Variants in IL1RAPL1 observed in about 807,000 individuals in gnomAD.
IL1RAPL1 encodes interleukin-1 receptor accessory protein-like 1.
A neutral mutation model predicts 48.4 loss-of-function variants in IL1RAPL1; 3 were observed. The ratio of observed to expected loss-of-function variants is 0.06; its 90% CI spans 0.03 to 0.16. IL1RAPL1 has a LOEUF of 0.16. IL1RAPL1 is among the 10% of genes least tolerant of loss of function. The pLI is 1.00. For missense variants in IL1RAPL1, 349 were observed against 530.6 expected (o/e 0.66, Z 3.36); for synonymous variants, 185 against 187.7 (o/e 0.99, Z 0.12).
chrX:28,781,131 C>T (rs1601900820), intron 1 of IL1RAPL1, among the ~76,000 whole-genome samples: 2 of 109,931 alleles, frequency 1.8e-5, no homozygotes, highest in South Asian at 7.6e-4. Flanking sequence ...AATATATTAT[C>T]ATGTAGTTTC....
At chrX:29,082,085 C>T (rs756936802) in intron 2 of IL1RAPL1, among the ~76,000 whole-genome samples, 61 of 111,565 alleles carry the variant, frequency 5.5e-4, no homozygotes, top group African/African-American at 1.8e-3. Context: ...TCTTGGTTAC[C>T]GGGCTATAGT....
chrX:29,922,779 GC>G (rs2012441650), intron 8 of IL1RAPL1, among the ~76,000 whole-genome samples: 1 of 112,084 alleles, frequency 8.9e-6, no homozygotes, highest in African/African-American at 3.2e-5. Flanking sequence ...CAGGTGAGTT[GC>G]TATATTACTC....
At chrX:29,690,040 A>G (rs1479415705) in intron 6 of IL1RAPL1, among the ~76,000 whole-genome samples, 1 of 111,841 alleles carries the variant, frequency 8.9e-6, no homozygotes, top group Non-Finnish European at 1.9e-5. Flanking sequence ...AAAAGGTCAG[A>G]GTTGAGGGAA....
At chrX:29,382,994 A>C in intron 3 of IL1RAPL1, among the ~76,000 whole-genome samples, 1 of 112,019 alleles carries the variant, frequency 8.9e-6, no homozygotes, top group East Asian at 2.8e-4. Context: ...AAAGCAGATT[A>C]AGCTTTTTAA....
intron 5 of IL1RAPL1, among the ~76,000 whole-genome samples, chrX:29,559,693 T>C (rs185664218): frequency 2.4e-4 from 27 of 110,917 alleles, no homozygotes; most frequent in Non-Finnish European, 3.4e-4. Context: ...TTTTTCATTG[T>C]GGTTACCATG....
intron 2 of IL1RAPL1, among the ~76,000 whole-genome samples, chrX:29,012,875 G>C (rs1926155994): frequency 8.9e-6 from 1 of 111,861 alleles, no homozygotes; most frequent in Admixed American, 9.5e-5. Context: ...CCACTTGATA[G>C]GTGCCAAAAC....
At chrX:28,654,203 TA>T (rs758736967) in intron 1 of IL1RAPL1, among the ~76,000 whole-genome samples, 9,876 of 97,301 alleles carry the variant, frequency 0.1, 535 homozygotes, top group African/African-American at 0.2. Flanking sequence ...CTTCTTTGGT[TA>T]AAAAAAAAAA....
At chrX:29,136,447 A>T (rs773825693) in intron 2 of IL1RAPL1, among the ~76,000 whole-genome samples, 21 of 111,701 alleles carry the variant, frequency 1.9e-4, no homozygotes, top group African/African-American at 6.8e-4. Flanking sequence ...TCTTTATTCT[A>T]ATGTCTAAAT....
At chrX:29,943,330 A>G (rs1453864434) in intron 9 of IL1RAPL1, among the ~76,000 whole-genome samples, 2 of 111,843 alleles carry the variant, frequency 1.8e-5, no homozygotes, top group African/African-American at 3.3e-5. Context: ...AGTGCTAGGC[A>G]TTCTTAGAGT....
chrX:29,080,924 TTTTC>T lies in IL1RAPL1; in HGVS notation c.83-201944_83-201941del, dbSNP rs1270246223. Among the ~76,000 whole-genome samples the T allele has an allele frequency of 4.5e-3, 304 of 67,840 alleles. 10 individuals carry two copies. Among genetic ancestry groups the T allele is most frequent in the Non-Finnish European group, 5.9e-3 (217 of 36,727 alleles). 58.9% of individuals were successfully genotyped at this position (67,840 alleles called of 115,157 possible). On this transcript the variant is annotated intron_variant, in intron 2 of 10. Coordinates refer to ENST00000378993, the MANE Select transcript of IL1RAPL1 (RefSeq NM_014271.4). ...CATCCAGCTATTTTTTTTAAATATT[TTTTC>T]TTTCTTTCTTTCTTTCTTTCTTTCT...
intron 8 of IL1RAPL1, among the ~76,000 whole-genome samples, chrX:29,938,935 A>AG (rs1933079569): frequency 1.8e-5 from 2 of 112,251 alleles, no homozygotes; most frequent in African/African-American, 6.5e-5. Flanking sequence ...ATTGCTGAGT[A>AG]TATTCTATCA....
At chrX:29,824,236 A>G (rs16988785) in intron 6 of IL1RAPL1, among the ~76,000 whole-genome samples, 4,279 of 111,192 alleles carry the variant, frequency 0.038, 211 homozygotes, top group African/African-American at 0.13. Context: ...TACTTGCATC[A>G]GATGTCATGT....
intron 2 of IL1RAPL1, among the ~76,000 whole-genome samples, chrX:28,823,047 G>T (rs1178920421): frequency 9.0e-6 from 1 of 110,999 alleles, no homozygotes; most frequent in Non-Finnish European, 1.9e-5. Flanking sequence ...TTTCTTAAAA[G>T]GATTTTCTCT....
In IL1RAPL1 at chrX:29,784,682, TAA is replaced by T. The variant is rs11364775; in HGVS notation, c.778+116189_778+116190del. Among the ~76,000 whole-genome samples, 812 of 103,253 alleles carry T rather than the reference TAA, an allele frequency of 7.9e-3. 2 individuals are homozygous for T. Among genetic ancestry groups the T allele is most frequent in the Non-Finnish European group, 0.011 (564 of 50,344 alleles). The allele number at this position is 103,253 out of a possible 115,157, so 89.7% of individuals were successfully genotyped here. A position where few individuals can be genotyped will look rare whatever the true frequency, so the allele number is the denominator to read the frequency against. ...CAGTTTATGGATTTTCTTATTATCT[TAA>T]AAAAAAAAAACATGATAGTGAGGTT... On this transcript the variant is annotated intron_variant, in intron 6 of 10. Transcript: ENST00000378993.
At chrX:28,682,966 C>T (rs923835987) in intron 1 of IL1RAPL1, among the ~76,000 whole-genome samples, 2 of 111,855 alleles carry the variant, frequency 1.8e-5, no homozygotes, top group Non-Finnish European at 3.8e-5. Flanking sequence ...CCAGAGAAAC[C>T]ACAGATTCTT....
intron 2 of IL1RAPL1, among the ~76,000 whole-genome samples, chrX:29,027,092 A>G (rs1386298946): frequency 8.9e-6 from 1 of 111,777 alleles, no homozygotes; most frequent in African/African-American, 3.3e-5. Context: ...AGTGTTGTAC[A>G]TTCTGTGGGT....
chrX:29,769,628 T>G (rs1399100546), intron 6 of IL1RAPL1, among the ~76,000 whole-genome samples: 2 of 87,089 alleles, frequency 2.3e-5, no homozygotes, highest in African/African-American at 8.6e-5. Flanking sequence ...TTTTTTTTTT[T>G]TTTTTTGAGA....
At chrX:29,599,240 T>C (rs989019811) in intron 5 of IL1RAPL1, among the ~76,000 whole-genome samples, 5 of 112,172 alleles carry the variant, frequency 4.5e-5, no homozygotes, top group African/African-American at 1.6e-4. Flanking sequence ...CTTCAGCATT[T>C]GTTTGTCTGG....
At chrX:29,932,821 A>G (rs1932970465) in intron 8 of IL1RAPL1, among the ~76,000 whole-genome samples, 1 of 112,027 alleles carries the variant, frequency 8.9e-6, no homozygotes, top group Non-Finnish European at 1.9e-5. Context: ...CTGAAACTAG[A>G]CATGAGCACC....
Sources: gnomAD v4.1 joint callset for allele counts (sites outside exome capture counted in the v4.1 genomes callset) on GRCh38, gnomAD v4.1.1 for gene constraint, MANE v1.5 for transcripts, NCBI Gene and HGNC (gene_info 2026-07-23, HGNC 2026-07-21) for gene names.